Variants in ADCY2 observed in about 807,000 individuals in gnomAD.
The protein encoded by ADCY2 is adenylate cyclase 2, also known as adenylate cyclase type 2.
In ADCY2, 31 loss-of-function variants were observed where a neutral mutation model predicts 125.2. That is an observed-to-expected ratio of 0.25 (90% CI 0.19 to 0.33). The LOEUF (loss-of-function observed/expected upper bound fraction) is 0.33. ADCY2 is among the 10% of genes least tolerant of loss of function. The pLI, the probability that ADCY2 is intolerant of heterozygous loss-of-function variation, is 1.00. For missense variants in ADCY2, 904 were observed against 1,418.2 expected, an observed-to-expected ratio of 0.64 and a Z score of 5.82; for synonymous variants, 512 against 548.4, an observed-to-expected ratio of 0.93 and a Z score of 0.93.
At position 7,416,407 on chromosome 5, in the gene ADCY2, C is replaced by T. The variant is rs961493924; in HGVS notation, c.408+1637C>T. Among the ~76,000 whole-genome samples, 6 of 152,178 alleles carry T rather than the reference C, an allele frequency of 3.9e-5. No individual in the cohort carries two copies. In the South Asian group the frequency reaches 1.0e-3, roughly 26 times the overall value. Reference sequence around the variant, plus strand: ...CATGCTCTGTCTGGCTTCTTCCTCTCCCTCACACTCCCCGCTCTCTCCTTC... The same window carrying T: ...CATGCTCTGTCTGGCTTCTTCCTCTTCCTCACACTCCCCGCTCTCTCCTTC... On this transcript the variant is annotated intron_variant, in intron 2 of 24. Coordinates refer to ENST00000338316, the MANE Select transcript of ADCY2 (RefSeq NM_020546.3).
chr5:7,397,563 A>G lies in ADCY2; in HGVS notation c.210+1057A>G, dbSNP rs138374555. On this transcript the variant is annotated intron_variant, in intron 1 of 24. Coordinates refer to ENST00000338316, the MANE Select transcript of ADCY2 (RefSeq NM_020546.3). ...GTGCCTATATTTATATGTGTCCACC[A>G]CCAAAGAAGTGGATTTTGCTTATAT... Among the ~76,000 whole-genome samples the G allele has an allele frequency of 7.4e-5, 11 of 148,732 alleles. No individual in the cohort carries two copies. In the East Asian group the frequency reaches 2.0e-3, roughly 28 times the overall value.
At chr5:7,496,870 G>A (rs1743363168) in intron 2 of ADCY2, among the ~76,000 whole-genome samples, 1 of 152,056 alleles carries the variant, frequency 6.6e-6, no homozygotes, top group African/African-American at 2.4e-5. Context: ...GAATATATCA[G>A]CAATAATATA....
intron 2 of ADCY2, among the ~76,000 whole-genome samples, chr5:7,500,167 A>C (rs1743509522): frequency 6.6e-6 from 1 of 152,184 alleles, no homozygotes; most frequent in Non-Finnish European, 1.5e-5. Flanking sequence ...CATTTCTCCA[A>C]GGAGAGTCAA....
chr5:7,698,472 T>A (rs1383379191), intron 7 of ADCY2, 98 bp downstream of exon 7: 1 of 1,332,748 alleles, frequency 7.5e-7, no homozygotes. Context: ...ACATGTACTG[T>A]GTTGGTTTCC....
intron 2 of ADCY2, among the ~76,000 whole-genome samples, chr5:7,454,964 A>G (rs1477625406): frequency 2.0e-5 from 3 of 151,852 alleles, no homozygotes; most frequent in South Asian, 2.1e-4. Context: ...GTGCTTTTTG[A>G]TAGTTATTTT....
intron 2 of ADCY2, among the ~76,000 whole-genome samples, chr5:7,461,177 A>C (rs1296196043): frequency 1.3e-5 from 2 of 152,156 alleles, no homozygotes; most frequent in Admixed American, 1.3e-4. Context: ...ACTTCCAGGA[A>C]GAAACCTTAC....
intron 2 of ADCY2, among the ~76,000 whole-genome samples, chr5:7,477,676 A>T (rs972535794): frequency 6.6e-6 from 1 of 152,160 alleles, no homozygotes; most frequent in South Asian, 2.1e-4. Flanking sequence ...TTCAGTTTAC[A>T]TGCATTTCTG....
chr5:7,473,450 G>A (rs1361235494), intron 2 of ADCY2, among the ~76,000 whole-genome samples: 1 of 152,004 alleles, frequency 6.6e-6, no homozygotes, highest in Non-Finnish European at 1.5e-5. Context: ...TTATCTCAAG[G>A]ACTGCACCAG....
intron 4 of ADCY2, among the ~76,000 whole-genome samples, chr5:7,630,476 G>T (rs1738277634): frequency 6.6e-6 from 1 of 152,126 alleles, no homozygotes; most frequent in African/African-American, 2.4e-5. Context: ...AGTACTTTAT[G>T]TGTACTGTTG....
At chr5:7,407,863 A>G (rs1200182736) in intron 1 of ADCY2, among the ~76,000 whole-genome samples, 4 of 145,850 alleles carry the variant, frequency 2.7e-5, no homozygotes, top group Non-Finnish European at 6.0e-5. Context: ...CTTTCTCTTC[A>G]GTTCTTTTTT....
At position 7,731,578 on chromosome 5, in the gene ADCY2, A is replaced by T. The variant is rs139427342; in HGVS notation, c.1871+4317A>T. 2.2e-3 allele frequency among the ~76,000 whole-genome samples: 331 copies of T among 149,586 alleles called. 3 individuals are homozygous for T. The highest frequency in any genetic ancestry group is 7.8e-3 in the African/African-American group (316 of 40,668). On this transcript the variant is annotated intron_variant, in intron 14 of 24. Transcript: ENST00000338316. ...CCTACTTGGAGATTTTAAACATATTATATGGAAATATCACTTCTTTTATTT... is the reference window on the plus strand; with the variant it reads ...CCTACTTGGAGATTTTAAACATATTTTATGGAAATATCACTTCTTTTATTT...
At chr5:7,579,630 A>C (rs770182061) in intron 3 of ADCY2, among the ~76,000 whole-genome samples, 1 of 152,196 alleles carries the variant, frequency 6.6e-6, no homozygotes, top group Non-Finnish European at 1.5e-5. Flanking sequence ...GAAACAAAAC[A>C]ATCAATATTC....
chr5:7,631,986 G>A (rs182161246), intron 4 of ADCY2, among the ~76,000 whole-genome samples: 2 of 152,264 alleles, frequency 1.3e-5, no homozygotes, highest in African/African-American at 4.8e-5. Flanking sequence ...CACCTGAGTT[G>A]TTACATGGAC....
intron 3 of ADCY2, among the ~76,000 whole-genome samples, chr5:7,533,556 AT>A (rs1491446265): frequency 6.6e-6 from 1 of 151,748 alleles, no homozygotes. Flanking sequence ...CTTAACACAC[AT>A]TTTTTTCTCT....
chr5:7,791,572 A>G (rs764140352), intron 20 of ADCY2, among the ~76,000 whole-genome samples: 5 of 152,130 alleles, frequency 3.3e-5, no homozygotes, highest in South Asian at 2.1e-4. Context: ...TGGCTTTCCT[A>G]TCTCTTCTCC....
intron 10 of ADCY2, among the ~76,000 whole-genome samples, chr5:7,712,343 C>T (rs1013648376): frequency 2.6e-5 from 4 of 152,148 alleles, no homozygotes; most frequent in African/African-American, 7.2e-5. Context: ...GCTCCTTTGC[C>T]GATTTCTTCA....
intron 3 of ADCY2, among the ~76,000 whole-genome samples, chr5:7,613,707 T>C (rs548991381): frequency 6.6e-6 from 1 of 152,366 alleles, no homozygotes; most frequent in African/African-American, 2.4e-5. Flanking sequence ...AGGTTTATGC[T>C]ATGTGGCTCA....
At chr5:7,620,833 A>C (rs1382884393) in intron 3 of ADCY2, among the ~76,000 whole-genome samples, 2 of 151,920 alleles carry the variant, frequency 1.3e-5, no homozygotes, top group African/African-American at 4.8e-5. Context: ...GCTTTGTTTT[A>C]AGCTGATGAC....
chr5:7,553,643 A>G (rs1166328951), intron 3 of ADCY2, among the ~76,000 whole-genome samples: 1 of 152,170 alleles, frequency 6.6e-6, no homozygotes, highest in Non-Finnish European at 1.5e-5. Flanking sequence ...GACAAGCATG[A>G]CATTGCTGCA....
Sources: allele counts gnomAD v4.1 joint callset (sites outside exome capture counted in the v4.1 genomes callset), GRCh38; gene constraint gnomAD v4.1.1; transcripts MANE v1.5; gene names NCBI Gene and HGNC (gene_info 2026-07-23, HGNC 2026-07-21).